Variants in ANKS1B observed in about 807,000 individuals in gnomAD.
ANKS1B encodes ankyrin repeat and sterile alpha motif domain containing 1B.
ANKS1B carries 36 observed loss-of-function variants against 148.3 expected under a neutral mutation model. The ratio of observed to expected loss-of-function variants is 0.24; its 90% CI spans 0.19 to 0.32. ANKS1B has a LOEUF of 0.32. Ranked by LOEUF, ANKS1B falls within the 10% of genes least tolerant of loss-of-function variation. The pLI, the probability that ANKS1B is intolerant of heterozygous loss-of-function variation, is 1.00. For synonymous variants in ANKS1B, 542 were observed against 560.8 expected, an observed-to-expected ratio of 0.97 and a Z score of 0.47; for missense variants, 1,157 against 1,542.6, an observed-to-expected ratio of 0.75 and a Z score of 4.19.
chr12:99,115,029 A>G (rs2372721), intron 15 of ANKS1B, among the ~76,000 whole-genome samples: 100,145 of 152,092 alleles, frequency 0.66, 33,254 homozygotes, highest in East Asian at 0.91. Context: ...CGATGGGATC[A>G]TAAATTTGTT....
intron 1 of ANKS1B, among the ~76,000 whole-genome samples, chr12:99,887,381 G>C (rs1191450917): frequency 6.6e-6 from 1 of 152,004 alleles, no homozygotes; most frequent in Non-Finnish European, 1.5e-5. Flanking sequence ...AATGACTATG[G>C]GTTGGATTAA....
intron 12 of ANKS1B, among the ~76,000 whole-genome samples, chr12:99,257,218 G>A (rs535396792): frequency 3.9e-5 from 6 of 152,008 alleles, no homozygotes; most frequent in South Asian, 2.1e-4. Context: ...CACTCCAGCC[G>A]GGGCAACACA....
chr12:99,118,101 C>G (rs1230847921), intron 15 of ANKS1B, among the ~76,000 whole-genome samples: 1 of 152,066 alleles, frequency 6.6e-6, no homozygotes, highest in Admixed American at 6.6e-5. Context: ...ATTAAAGTAG[C>G]AGGATAGAAC....
At chr12:99,939,432 T>A (rs2094862651) in intron 1 of ANKS1B, among the ~76,000 whole-genome samples, 1 of 152,090 alleles carries the variant, frequency 6.6e-6, no homozygotes. Context: ...GGTCTCACTA[T>A]GTTGACCAGA....
chr12:99,195,317 C>A (rs1014750458), intron 14 of ANKS1B, among the ~76,000 whole-genome samples: 1 of 152,156 alleles, frequency 6.6e-6, no homozygotes, highest in Non-Finnish European at 1.5e-5. Flanking sequence ...TGTATTAAAT[C>A]TCTTCTGAAA....
In ANKS1B at chr12:99,246,742, C is replaced by G. The variant is rs1029041403; in HGVS notation, c.1879G>C (p.Gly627Arg). 6.2e-7 allele frequency: 1 copy of G among 1,613,874 alleles called. No homozygotes were observed. The highest frequency in any genetic ancestry group is 1.3e-5 in the African/African-American group (1 of 75,020). The stretch of plus-strand genomic sequence containing the variant: ...CCTTTTTCACATTGTTCTCTTTTCC[C>G]ATAGAGATGAAATGGATTTTCAGGG... ...ESPENPFHLYGKREQCEKGQD... is the reference protein window; with the variant it reads ...ESPENPFHLYRKREQCEKGQD... The change falls in exon 13 of 27, where the codon GGG becomes CGG. Residue 627 changes from glycine to arginine, a missense_variant. By Grantham distance (125) the Gly-to-Arg change is moderately radical. Coordinates refer to ENST00000683438, the MANE Select transcript of ANKS1B (RefSeq NM_001352186.2).
intron 17 of ANKS1B, among the ~76,000 whole-genome samples, chr12:98,949,108 A>G (rs1045992629): frequency 2.6e-5 from 4 of 151,566 alleles, no homozygotes; most frequent in African/African-American, 9.7e-5. Context: ...ACGTGCCAAC[A>G]CACCCAGCTA....
intron 12 of ANKS1B, among the ~76,000 whole-genome samples, chr12:99,345,594 A>C (rs76414633): frequency 1.0e-3 from 157 of 152,056 alleles, no homozygotes; most frequent in African/African-American, 3.4e-3. Flanking sequence ...CATTTTAAAG[A>C]GGAGGAAACT....
chr12:99,319,028 C>T (rs1174507106), intron 12 of ANKS1B, among the ~76,000 whole-genome samples: 1 of 152,134 alleles, frequency 6.6e-6, no homozygotes, highest in African/African-American at 2.4e-5. Context: ...GCACTGTGGT[C>T]TGAGAGATGG....
At chr12:98,841,556 T>C (rs1370692706) in intron 17 of ANKS1B, among the ~76,000 whole-genome samples, 1 of 152,180 alleles carries the variant, frequency 6.6e-6, no homozygotes, top group Non-Finnish European at 1.5e-5. Flanking sequence ...GTAAAAAATC[T>C]ACCTAAAACT....
At chr12:99,169,488 C>G (rs2077530831) in intron 14 of ANKS1B, among the ~76,000 whole-genome samples, 1 of 152,122 alleles carries the variant, frequency 6.6e-6, no homozygotes, top group Non-Finnish European at 1.5e-5. Context: ...TAATAACTAT[C>G]TGTTTATGCT....
At chr12:99,972,873 T>A (rs1359462867) in intron 1 of ANKS1B, among the ~76,000 whole-genome samples, 1 of 152,190 alleles carries the variant, frequency 6.6e-6, no homozygotes, top group Non-Finnish European at 1.5e-5. Context: ...ATGTAGCTGG[T>A]GACTTTAACT....
At chr12:98,737,122 A>G (rs2097777431) in intron 9 of ANKS1B, among the ~76,000 whole-genome samples, 1 of 152,172 alleles carries the variant, frequency 6.6e-6, no homozygotes, top group Non-Finnish European at 1.5e-5. Flanking sequence ...CTGCAATGCC[A>G]TTTGAGCTCC....
chr12:99,098,768 CCA>C (rs1169801378), intron 15 of ANKS1B, among the ~76,000 whole-genome samples: 147 of 146,362 alleles, frequency 1.0e-3, no homozygotes, highest in African/African-American at 3.5e-3. Flanking sequence ...GTTCCCCCCC[CCA>C]CCCCCAGCTC....
chr12:99,779,925 T>C lies in ANKS1B; in HGVS notation c.793A>G (p.Ile265Val), dbSNP rs758376825. The C allele has an allele frequency of 3.1e-6, 5 of 1,610,596 alleles. No individual in the cohort carries two copies. In the Admixed American group the frequency reaches 8.5e-5, roughly 27 times the overall value. Residue 265 changes from isoleucine (I) to valine (V), a missense_variant, in exon 6 of 27, where the codon ATT (isoleucine) becomes GTT (valine). Transcript: ENST00000683438. Reference sequence around the variant, plus strand: ...TTCTGAGATGGATGTTCTTTCAGAATGTCCAAGACAGTTCTACCTAAGCTA... The same window carrying C: ...TTCTGAGATGGATGTTCTTTCAGAACGTCCAAGACAGTTCTACCTAAGCTA... Reference protein sequence around the residue: ...KDSLGRTVLDILKEHPSQKSL... With the variant: ...KDSLGRTVLDVLKEHPSQKSL...
At chr12:99,620,515 T>C (rs1175424685) in intron 9 of ANKS1B, among the ~76,000 whole-genome samples, 7 of 152,082 alleles carry the variant, frequency 4.6e-5, no homozygotes, top group Admixed American at 4.6e-4. Flanking sequence ...GAGGAATAGA[T>C]AAACATCTTT....
At chr12:99,696,864 A>G (rs957217908) in intron 8 of ANKS1B, among the ~76,000 whole-genome samples, 1 of 152,212 alleles carries the variant, frequency 6.6e-6, no homozygotes, top group African/African-American at 2.4e-5. Context: ...ATATACAAAG[A>G]ACACTTAAAA....
At chr12:99,311,741 A>C (rs924248585) in intron 12 of ANKS1B, among the ~76,000 whole-genome samples, 1 of 152,158 alleles carries the variant, frequency 6.6e-6, no homozygotes, top group African/African-American at 2.4e-5. Flanking sequence ...ATATTTTGAA[A>C]GTACATTCAA....
chr12:99,825,145 A>G (rs554357367), intron 2 of ANKS1B, among the ~76,000 whole-genome samples, 164 bp downstream of exon 2: 2 of 152,342 alleles, frequency 1.3e-5, no homozygotes, highest in South Asian at 4.1e-4. Flanking sequence ...ACTCAGCAAC[A>G]TTCCTACCAA....
Sources: allele counts gnomAD v4.1 joint callset (sites outside exome capture counted in the v4.1 genomes callset), GRCh38; gene constraint gnomAD v4.1.1; transcripts MANE v1.5; gene names NCBI Gene and HGNC (gene_info 2026-07-23, HGNC 2026-07-21).